FAM110B: variants seen among roughly 807,000 people sequenced by gnomAD.
FAM110B encodes family with sequence similarity 110 member B.
Under a neutral mutation model 20.4 loss-of-function variants are expected in FAM110B, and 6 were observed. The ratio of observed to expected loss-of-function variants is 0.29; its 90% confidence interval spans 0.16 to 0.58. The LOEUF (loss-of-function observed/expected upper bound fraction) is 0.58. Among genes scored for constraint, FAM110B ranks in the 20% least tolerant of loss-of-function variants. The probability of loss-of-function intolerance (pLI) is 0.90; values close to 1 mark genes in which losing one functional copy is unlikely to be tolerated. For synonymous variants in FAM110B, 226 were observed against 214.1 expected (o/e 1.06, Z -0.49); for missense variants, 434 against 498.2 (o/e 0.87, Z 1.23).
intron 1 of FAM110B, among the ~76,000 whole-genome samples, chr8:58,018,338 G>A (rs1804678673): frequency 6.6e-6 from 1 of 152,116 alleles, no homozygotes; most frequent in Admixed American, 6.6e-5. Context: ...TGATCATTAT[G>A]TAATGCCTTT....
chr8:58,092,412 C>A (rs1271283127), intron 3 of FAM110B, among the ~76,000 whole-genome samples: 2 of 152,112 alleles, frequency 1.3e-5, no homozygotes, highest in Non-Finnish European at 2.9e-5. Flanking sequence ...TACCCCCCGA[C>A]AGGCCATGGT....
At chr8:58,142,497 C>T (rs1227454571) in intron 3 of FAM110B, among the ~76,000 whole-genome samples, 5 of 152,164 alleles carry the variant, frequency 3.3e-5, no homozygotes, top group Admixed American at 2.6e-4. Flanking sequence ...CTATGTGCCA[C>T]CTGTTCTCCC....
At chr8:57,999,660 T>C (rs1267274693) in intron 1 of FAM110B, among the ~76,000 whole-genome samples, 2 of 152,228 alleles carry the variant, frequency 1.3e-5, no homozygotes, top group Admixed American at 6.5e-5. Context: ...TGCCAGGTAC[T>C]TTGAATAAAC....
At chr8:58,110,023 T>C (rs868512161) in intron 3 of FAM110B, among the ~76,000 whole-genome samples, 1 of 152,172 alleles carries the variant, frequency 6.6e-6, no homozygotes, top group Middle Eastern at 3.2e-3. Context: ...TAAACAACAC[T>C]GTGAGGACAG....
chr8:58,101,918 A>G (rs1239958750), intron 3 of FAM110B, among the ~76,000 whole-genome samples: 1 of 152,150 alleles, frequency 6.6e-6, no homozygotes, highest in African/African-American at 2.4e-5. Flanking sequence ...TCCCAAGGCA[A>G]GGCACTAAAA....
chr8:58,075,797 T>G (rs1262805282), intron 3 of FAM110B, among the ~76,000 whole-genome samples, 174 bp downstream of exon 3: 2 of 152,130 alleles, frequency 1.3e-5, no homozygotes, highest in African/African-American at 2.4e-5. Flanking sequence ...ATCCCCACCT[T>G]TTGAGGTCCT....
chr8:58,026,014 T>C (rs1327467206), intron 1 of FAM110B, among the ~76,000 whole-genome samples: 2 of 152,210 alleles, frequency 1.3e-5, no homozygotes, highest in Non-Finnish European at 2.9e-5. Flanking sequence ...TTAGCAACAC[T>C]ATACAAGATT....
chr8:58,081,092 T>C (rs1806178760), intron 3 of FAM110B, among the ~76,000 whole-genome samples: 1 of 152,224 alleles, frequency 6.6e-6, no homozygotes, highest in African/African-American at 2.4e-5. Flanking sequence ...GGCTCATGCC[T>C]CAGCACAGCC....
chr8:58,137,963 C>T (rs1803658431), intron 3 of FAM110B, among the ~76,000 whole-genome samples: 1 of 152,244 alleles, frequency 6.6e-6, no homozygotes, highest in African/African-American at 2.4e-5. Flanking sequence ...CTCAGGGCCG[C>T]ATTGGCTTGG....
chr8:57,996,622 T>G (rs1325124142), intron 1 of FAM110B, among the ~76,000 whole-genome samples: 2 of 152,176 alleles, frequency 1.3e-5, no homozygotes, highest in African/African-American at 4.8e-5. Flanking sequence ...CTGGTTGTCT[T>G]TAAGAGCCTA....
chr8:58,015,502 C>G (rs554241303), intron 1 of FAM110B, among the ~76,000 whole-genome samples: 22 of 152,160 alleles, frequency 1.4e-4, no homozygotes, highest in African/African-American at 4.3e-4. Flanking sequence ...TAAATTTAGT[C>G]TTAGGTCCTT....
chr8:58,087,923 G>A (rs1013394807), intron 3 of FAM110B, among the ~76,000 whole-genome samples: 7 of 152,246 alleles, frequency 4.6e-5, no homozygotes, highest in Non-Finnish European at 8.8e-5. Context: ...TTATCAATGG[G>A]AAAGTAAATT....
chr8:58,092,298 G>A (rs145406036), intron 3 of FAM110B, among the ~76,000 whole-genome samples: 57 of 151,818 alleles, frequency 3.8e-4, no homozygotes, highest in African/African-American at 1.2e-3. Context: ...CAGAATGTGC[G>A]GGTTTGTTAC....
intron 3 of FAM110B, among the ~76,000 whole-genome samples, chr8:58,081,735 G>C (rs1293090883): frequency 6.6e-6 from 1 of 151,994 alleles, no homozygotes; most frequent in Non-Finnish European, 1.5e-5. Context: ...CTCTCTTAAA[G>C]TCCAAGAGTT....
chr8:58,007,906 C>T (rs1804444414), intron 1 of FAM110B, among the ~76,000 whole-genome samples: 2 of 152,104 alleles, frequency 1.3e-5, no homozygotes, highest in Admixed American at 6.6e-5. Context: ...AATGTTACGT[C>T]AGAAGGTGTT....
chr8:58,012,093 A>G (rs1376408526), intron 1 of FAM110B, among the ~76,000 whole-genome samples: 1 of 152,198 alleles, frequency 6.6e-6, no homozygotes, highest in African/African-American at 2.4e-5. Context: ...AAAACCTACA[A>G]GGCAAGTAAT....
chr8:58,075,653 C>A (rs1173522965), intron 3 of FAM110B, 30 bp downstream of exon 3: 1 of 152,032 alleles, frequency 6.6e-6, no homozygotes, highest in African/African-American at 2.4e-5. Flanking sequence ...TTGATCCATT[C>A]TGAGAAGGAG....
At chr8:58,072,620 C>T (rs1805928918) in intron 2 of FAM110B, among the ~76,000 whole-genome samples, 1 of 152,152 alleles carries the variant, frequency 6.6e-6, no homozygotes, top group African/African-American at 2.4e-5. Flanking sequence ...AGTTTTTGGA[C>T]ACTTTAAAAT....
intron 3 of FAM110B, among the ~76,000 whole-genome samples, chr8:58,075,891 G>A (rs1806026469): frequency 6.6e-6 from 1 of 152,202 alleles, no homozygotes; most frequent in East Asian, 1.9e-4. Flanking sequence ...CTAGTTATTA[G>A]TTTGTTAAAT....
Sources: gnomAD v4.1 joint callset for allele counts (sites outside exome capture counted in the v4.1 genomes callset) on GRCh38, gnomAD v4.1.1 for gene constraint, MANE v1.5 for transcripts, NCBI Gene and HGNC (gene_info 2026-07-23, HGNC 2026-07-21) for gene names.